RPS6KB1: variants seen among roughly 807,000 people sequenced by gnomAD.
RPS6KB1 encodes the protein ribosomal protein S6 kinase beta-1.
RPS6KB1 carries 12 observed loss-of-function variants against 70.2 expected under a neutral mutation model. The observed-to-expected ratio is 0.17, with a 90% CI of 0.11 to 0.28. The LOEUF is 0.28. Ranked by LOEUF, RPS6KB1 falls within the 10% of genes least tolerant of loss-of-function variation. The pLI is 1.00. For synonymous variants in RPS6KB1, 175 were observed against 211.2 expected (o/e 0.83, Z 1.49); for missense variants, 270 against 646.6 (o/e 0.42, Z 6.32).
chr17:59,893,834 T>G lies in RPS6KB1; in HGVS notation c.141+509T>G. ...GTTAGAAGTGACAGCTGAAAACTTCTGTCGGGAGTAGCACTGCCGCTGCTG... is the reference window on the plus strand; with the variant it reads ...GTTAGAAGTGACAGCTGAAAACTTCGGTCGGGAGTAGCACTGCCGCTGCTG... On this transcript the variant is annotated intron_variant, in intron 1 of 14. Transcript: ENST00000225577. The surrounding 1 kb of genome is among the most constrained non-coding windows in gnomAD (Gnocchi z 4.1). 1 of 986,176 alleles carries G rather than the reference T, an allele frequency of 1.0e-6. No homozygotes were observed. The highest frequency in any genetic ancestry group is 1.2e-6 in the Non-Finnish European group (1 of 830,386). The allele number at this position is 986,176 out of a possible 1,614,324, so 61.1% of individuals were successfully genotyped here.
intron 9 of RPS6KB1, 155 bp from the exon 10 acceptor site, chr17:59,935,037 TA>T: frequency 1.8e-6 from 1 of 549,684 alleles, no homozygotes; most frequent in East Asian, 3.2e-5. Flanking sequence ...TAAAACAAAA[TA>T]AAGGTCTTTA....
chr17:59,932,930 T>C (rs1350765655), intron 7 of RPS6KB1, among the ~76,000 whole-genome samples: 1 of 152,158 alleles, frequency 6.6e-6, no homozygotes, highest in Non-Finnish European at 1.5e-5. Flanking sequence ...TATACAACTA[T>C]AGATATAGCA....
At chr17:59,925,883 C>T (rs773652909) in intron 4 of RPS6KB1, among the ~76,000 whole-genome samples, 3 of 152,026 alleles carry the variant, frequency 2.0e-5, no homozygotes, top group Non-Finnish European at 4.4e-5. Flanking sequence ...TGGGCTCAAG[C>T]GATCCTCCTG....
At chr17:59,909,766 C>A (rs1226012154) in intron 1 of RPS6KB1, among the ~76,000 whole-genome samples, 1 of 151,958 alleles carries the variant, frequency 6.6e-6, no homozygotes, top group East Asian at 2.0e-4. Context: ...GTAATCCCAG[C>A]ACTTTGGGAG....
At chr17:59,941,647 T>G in intron 13 of RPS6KB1, among the ~76,000 whole-genome samples, 1 of 151,494 alleles carries the variant, frequency 6.6e-6, no homozygotes, top group East Asian at 1.9e-4. Context: ...TTTTTTTTTT[T>G]TTTTTGAGAC....
chr17:59,912,185 C>A, intron 2 of RPS6KB1: 1 of 180,708 alleles, frequency 5.5e-6, no homozygotes, highest in South Asian at 1.1e-4. Flanking sequence ...TTGTTGCACT[C>A]CTAAGAGCAA....
intron 1 of RPS6KB1, among the ~76,000 whole-genome samples, chr17:59,905,842 GAC>G (rs911565386): frequency 1.2e-4 from 18 of 151,454 alleles, no homozygotes; most frequent in African/African-American, 4.4e-4. Context: ...ATTTTTTTGA[GAC>G]AGAATCTTGC....
At chr17:59,936,154 A>G in intron 10 of RPS6KB1, 61 bp from the exon 11 acceptor site, 1 of 1,471,338 alleles carries the variant, frequency 6.8e-7, no homozygotes, top group Non-Finnish European at 9.3e-7. Context: ...CAGTCTAAAA[A>G]GGAAAAAAAA....
At chr17:59,913,633 C>G (rs550277031) in intron 3 of RPS6KB1, 1 of 152,266 alleles carries the variant, frequency 6.6e-6, no homozygotes, top group African/African-American at 2.4e-5. Context: ...GCTCAAGTGC[C>G]TTATATAAAA....
rs2044136287 is a variant in RPS6KB1, at chr17:59,934,767, C to T, written c.870+243C>T. On this transcript the variant is annotated intron_variant, in intron 9 of 14. Transcript: ENST00000225577. The surrounding 1 kb of genome is among the most constrained non-coding windows in gnomAD (Gnocchi z 4.8). ...TGAAATAGATGTTGAATAGATAATG[C>T]CCTTATTTTATAAATGGAGAAATTG... 6.6e-6 allele frequency: 3 copies of T among 457,558 alleles called. No individual in the cohort carries two copies. The allele number at this position is 457,558 out of a possible 1,614,324, so 28.3% of individuals were successfully genotyped here. A position where few individuals can be genotyped will look rare whatever the true frequency, so the allele number is the denominator to read the frequency against.
chr17:59,896,137 C>A (rs181630987), intron 1 of RPS6KB1, among the ~76,000 whole-genome samples: 72 of 152,228 alleles, frequency 4.7e-4, no homozygotes, highest in Middle Eastern at 3.4e-3. Flanking sequence ...TAGGAAGGTG[C>A]TTTATATCTT....
Position 59,931,738 on chromosome 17 carries a change from A to T in RPS6KB1, c.688+16A>T. On this transcript the variant is annotated intron_variant, in intron 7 of 14. Transcript: ENST00000225577. ...AATCACCAAGGTGGAGACATACCGTAAACAATTCTATAGTAAATAATCATC... is the reference window on the plus strand; with the variant it reads ...AATCACCAAGGTGGAGACATACCGTTAACAATTCTATAGTAAATAATCATC... 1.3e-6 allele frequency: 2 copies of T among 1,533,808 alleles called. No homozygotes were observed. The highest frequency in any genetic ancestry group is 1.8e-6 in the Non-Finnish European group (2 of 1,108,110).
chr17:59,909,828 A>C (rs2042522635), intron 1 of RPS6KB1, among the ~76,000 whole-genome samples: 1 of 151,842 alleles, frequency 6.6e-6, no homozygotes, highest in Non-Finnish European at 1.5e-5. Flanking sequence ...CCTGGCTAAT[A>C]TGTGAAACCC....
intron 1 of RPS6KB1, among the ~76,000 whole-genome samples, chr17:59,901,838 G>A (rs1351223326): frequency 6.6e-6 from 1 of 151,210 alleles, no homozygotes; most frequent in Non-Finnish European, 1.5e-5. Context: ...GCAACATAGT[G>A]AGACCCGTGT....
rs553304575 is a variant in RPS6KB1 at position 59,934,275 on chromosome 17, A to C, written c.779+15A>C. 3 of 1,573,270 alleles carry C rather than the reference A, an allele frequency of 1.9e-6. No homozygotes were observed. The highest frequency in any genetic ancestry group is 2.6e-6 in the Non-Finnish European group (3 of 1,142,868). The stretch of plus-strand genomic sequence containing the variant: ...ATAGAATACATGTGAGCTACATGTT[A>C]AACATAATTGGTTTGGGGGTAATAG... On this transcript the variant is annotated intron_variant, in intron 8 of 14. Transcript: ENST00000225577. The surrounding 1 kb of genome is among the most constrained non-coding windows in gnomAD (Gnocchi z 4.8).
At chr17:59,916,285 G>C (rs761243338) in intron 4 of RPS6KB1, among the ~76,000 whole-genome samples, 1 of 151,496 alleles carries the variant, frequency 6.6e-6, no homozygotes, top group East Asian at 1.9e-4. Flanking sequence ...ATTTTTAGTA[G>C]AGATGCGGTT....
Position 59,946,941 on chromosome 17 carries a change from TA to T in RPS6KB1, c.*159del. ...ACACAGGAAAAATAAACGTGGATTT[TA>T]AAAAATCAATCAATGGTGCAAAAAA... On this transcript the variant is annotated 3_prime_UTR_variant, in exon 15 of 15. Transcript: ENST00000225577. The surrounding 1 kb of genome is among the most constrained non-coding windows in gnomAD (Gnocchi z 4.2). 1 of 1,470,590 alleles carries T rather than the reference TA, an allele frequency of 6.8e-7. No individual in the cohort carries two copies. The highest frequency in any genetic ancestry group is 2.5e-5 in the Admixed American group (1 of 40,526). 91.1% of individuals were successfully genotyped at this position (1,470,590 alleles called of 1,614,324 possible). A position where few individuals can be genotyped will look rare whatever the true frequency, so the allele number is the denominator to read the frequency against.
In RPS6KB1 at chr17:59,895,318, C is replaced by CTTTTTTTTT. The variant is rs71145587; in HGVS notation, c.141+2006_141+2014dup. The stretch of plus-strand genomic sequence containing the variant: ...TACAGGTGTGAGCCACTGCGCCTGG[C>CTTTTTTTTT]TTTTTTTTTTTTTTTTTTTTTGAGA... On this transcript the variant is annotated intron_variant, in intron 1 of 14. Transcript: ENST00000225577. 4.7e-5 allele frequency among the ~76,000 whole-genome samples: 5 copies of CTTTTTTTTT among 106,282 alleles called. 2 individuals carry two copies. Among genetic ancestry groups the CTTTTTTTTT allele is most frequent in the Non-Finnish European group, 7.6e-5 (4 of 52,968 alleles). 69.7% of individuals were successfully genotyped at this position (106,282 alleles called of 152,430 possible).
At chr17:59,917,676 AGTT>A (rs1267665064) in intron 4 of RPS6KB1, among the ~76,000 whole-genome samples, 1 of 152,170 alleles carries the variant, frequency 6.6e-6, no homozygotes, top group Non-Finnish European at 1.5e-5. Context: ...GGCCTCAAGC[AGTT>A]GTTCTGTTTT....
Sources: allele counts gnomAD v4.1 joint callset (sites outside exome capture counted in the v4.1 genomes callset), GRCh38; gene constraint gnomAD v4.1.1; non-coding constraint Gnocchi (gnomAD v3.1); transcripts MANE v1.5; gene names NCBI Gene and HGNC (gene_info 2026-07-23, HGNC 2026-07-21).